C1QTNF7: variants seen among roughly 807,000 people sequenced by gnomAD.
C1QTNF7 encodes the protein complement C1q tumor necrosis factor-related protein 7.
C1QTNF7 carries 15 observed loss-of-function variants against 19.6 expected under a neutral mutation model. That is an observed-to-expected ratio of 0.76 (90% CI 0.51 to 1.18). The LOEUF is 1.18. Ranked by LOEUF, C1QTNF7 falls within the 50% of genes most tolerant of loss-of-function variation. C1QTNF7 has a pLI of 0.00. For synonymous variants in C1QTNF7, 142 were observed against 137.5 expected (o/e 1.03, Z -0.23); for missense variants, 324 against 359.7 (o/e 0.90, Z 0.80).
In C1QTNF7 at chr4:15,442,482, T is replaced by C; in HGVS notation, c.553T>C (p.Phe185Leu). ...GCACTACAACCCTGCCACAGGGAAG[T>C]TCATCTGTGCTTTCCCAGGGATCTA... ...GEHYNPATGK[F>L]ICAFPGIYYF... Residue 185 changes from phenylalanine (F) to leucine (L), a missense_variant, in exon 3 of 3, where the codon TTC (phenylalanine) becomes CTC (leucine). Physicochemically the swap from Phe to Leu is conservative, Grantham distance 22 (BLOSUM62 0). Coordinates refer to ENST00000444304, the MANE Select transcript of C1QTNF7 (RefSeq NM_031911.5). 1 of 1,614,192 alleles carries C rather than the reference T, an allele frequency of 6.2e-7. No homozygotes were observed. Among genetic ancestry groups the C allele is most frequent in the Non-Finnish European group, 8.5e-7 (1 of 1,180,024 alleles).
At chr4:15,344,908 T>C (rs562050277) in intron 1 of C1QTNF7, among the ~76,000 whole-genome samples, 1 of 152,336 alleles carries the variant, frequency 6.6e-6, no homozygotes, top group South Asian at 2.1e-4. Context: ...TTTTCTGCAG[T>C]TTGTGACATA....
At chr4:15,365,985 A>C (rs1313172629) in intron 1 of C1QTNF7, among the ~76,000 whole-genome samples, 1 of 152,180 alleles carries the variant, frequency 6.6e-6, no homozygotes, top group Non-Finnish European at 1.5e-5. Context: ...TAGGAAAGGC[A>C]GTACCCAAAG....
At chr4:15,371,120 T>C (rs4346643) in intron 1 of C1QTNF7, among the ~76,000 whole-genome samples, 71,651 of 152,132 alleles carry the variant, frequency 0.47, 18,138 homozygotes, top group African/African-American at 0.65. Context: ...AACAGGCAGC[T>C]CCATCCTGCA....
chr4:15,442,278 C>A lies in C1QTNF7; in HGVS notation c.349C>A (p.Pro117Thr), dbSNP rs1226428698. 1.9e-6 allele frequency: 3 copies of A among 1,613,944 alleles called. No homozygotes were observed. The highest frequency in any genetic ancestry group is 2.5e-6 in the Non-Finnish European group (3 of 1,179,990). ...AGAGGGAGAGAAAGGAGAAGTAGGT[C>A]CAATTGGTCCTCCTGGACCAAAGGG... ...GPEGEKGEVGPIGPPGPKGDR... is the reference protein window; with the variant it reads ...GPEGEKGEVGTIGPPGPKGDR... Residue 117 changes from proline (P) to threonine (T), a missense_variant, in exon 3 of 3, where the codon CCA becomes ACA. By Grantham distance (38) the Pro-to-Thr change is conservative (BLOSUM62 -1). Coordinates refer to ENST00000444304, the MANE Select transcript of C1QTNF7 (RefSeq NM_031911.5).
At chr4:15,389,247 A>T (rs1002761168) in intron 1 of C1QTNF7, among the ~76,000 whole-genome samples, 1 of 152,066 alleles carries the variant, frequency 6.6e-6, no homozygotes, top group Non-Finnish European at 1.5e-5. Flanking sequence ...GGGAGTTTTG[A>T]AGAGCATGAA....
intron 1 of C1QTNF7, among the ~76,000 whole-genome samples, chr4:15,356,718 G>C (rs1164676206): frequency 6.6e-6 from 1 of 152,182 alleles, no homozygotes; most frequent in Non-Finnish European, 1.5e-5. Flanking sequence ...CCCACCAACA[G>C]TGTAAAAGCG....
intron 2 of C1QTNF7, among the ~76,000 whole-genome samples, chr4:15,440,595 A>T (rs906111446): frequency 5.9e-5 from 9 of 151,764 alleles, no homozygotes; most frequent in African/African-American, 2.2e-4. Flanking sequence ...TTTAGTAGAG[A>T]CGGGGCTTCA....
intron 1 of C1QTNF7, among the ~76,000 whole-genome samples, chr4:15,401,064 G>A (rs1011385542): frequency 3.9e-5 from 6 of 152,256 alleles, no homozygotes; most frequent in Admixed American, 3.3e-4. Flanking sequence ...AATACTAGCG[G>A]GCGCACCCCA....
chr4:15,347,579 A>G (rs1187906181), intron 1 of C1QTNF7, among the ~76,000 whole-genome samples: 2 of 152,070 alleles, frequency 1.3e-5, no homozygotes, highest in African/African-American at 2.4e-5. Flanking sequence ...CCAACTCCAT[A>G]TGTATGTTCT....
chr4:15,434,701 C>T (rs772033801), intron 1 of C1QTNF7, among the ~76,000 whole-genome samples: 1 of 152,122 alleles, frequency 6.6e-6, no homozygotes, highest in Non-Finnish European at 1.5e-5. Context: ...GCCAAAGTGC[C>T]ATACTAATAA....
intron 1 of C1QTNF7, among the ~76,000 whole-genome samples, chr4:15,369,976 T>C (rs1466631824): frequency 6.6e-6 from 1 of 152,188 alleles, no homozygotes; most frequent in African/African-American, 2.4e-5. Context: ...AATCTATACA[T>C]GAGATCATAT....
intron 1 of C1QTNF7, among the ~76,000 whole-genome samples, chr4:15,355,393 C>G (rs6449127): frequency 0.47 from 71,663 of 151,832 alleles, 18,155 homozygotes; most frequent in African/African-American, 0.65. Context: ...ATAATAGAAA[C>G]TAATATGGAT....
At chr4:15,430,406 G>A (rs1163291251) in intron 1 of C1QTNF7, among the ~76,000 whole-genome samples, 1 of 152,172 alleles carries the variant, frequency 6.6e-6, no homozygotes, top group Non-Finnish European at 1.5e-5. Context: ...GTAACTTGGT[G>A]AAACCTCATC....
chr4:15,364,828 T>C (rs1273218801), intron 1 of C1QTNF7, among the ~76,000 whole-genome samples: 1 of 152,198 alleles, frequency 6.6e-6, no homozygotes, highest in Non-Finnish European at 1.5e-5. Flanking sequence ...AATACTTCTC[T>C]CATTGTCACA....
chr4:15,368,912 A>G (rs1006607481), intron 1 of C1QTNF7, among the ~76,000 whole-genome samples: 3 of 152,228 alleles, frequency 2.0e-5, no homozygotes, highest in African/African-American at 7.2e-5. Flanking sequence ...GGGAAAGCCA[A>G]CCAAATGGTG....
chr4:15,353,063 G>T (rs1447164746), intron 1 of C1QTNF7, among the ~76,000 whole-genome samples: 1 of 152,116 alleles, frequency 6.6e-6, no homozygotes. Context: ...CTGTGTCAAT[G>T]AGATGATTTC....
chr4:15,346,790 CT>C (rs577028730), intron 1 of C1QTNF7, among the ~76,000 whole-genome samples: 30 of 152,214 alleles, frequency 2.0e-4, no homozygotes, highest in Non-Finnish European at 4.0e-4. Flanking sequence ...AGACCATATT[CT>C]TCAACATGGC....
At chr4:15,441,865 CA>C (rs1183445406) in intron 2 of C1QTNF7, among the ~76,000 whole-genome samples, 2 of 151,826 alleles carry the variant, frequency 1.3e-5, no homozygotes, top group Non-Finnish European at 2.9e-5. Context: ...ACTAAAAATA[CA>C]AAAAATTAGC....
chr4:15,371,949 A>G (rs1717751371), intron 1 of C1QTNF7, among the ~76,000 whole-genome samples: 1 of 152,178 alleles, frequency 6.6e-6, no homozygotes, highest in South Asian at 2.1e-4. Flanking sequence ...GGAAAGGGTC[A>G]CAGCTCAGAA....
Sources: allele counts gnomAD v4.1 joint callset (sites outside exome capture counted in the v4.1 genomes callset), GRCh38; gene constraint gnomAD v4.1.1; transcripts MANE v1.5; gene names NCBI Gene and HGNC (gene_info 2026-07-23, HGNC 2026-07-21).